The following TAFA2 variants were observed in gnomAD, a reference collection of about 807,000 sequenced individuals.
The protein encoded by TAFA2 is chemokine-like protein TAFA-2.
In TAFA2, 7 loss-of-function variants were observed where a neutral mutation model predicts 18.8. The observed-to-expected ratio is 0.37, with a 90% CI of 0.21 to 0.70. The LOEUF (loss-of-function observed/expected upper bound fraction) is 0.70. TAFA2 is among the 30% of genes least tolerant of loss of function. The pLI, the probability that TAFA2 is intolerant of heterozygous loss-of-function variation, is 0.53. For synonymous variants in TAFA2, 60 were observed against 54.2 expected (o/e 1.11, Z -0.47); for missense variants, 122 against 158.1 (o/e 0.77, Z 1.23).
chr12:61,877,914 T>TACAC (rs1470794277), intron 1 of TAFA2, among the ~76,000 whole-genome samples: 11 of 75,982 alleles, frequency 1.4e-4, no homozygotes, highest in East Asian at 1.2e-3. Flanking sequence ...TATATATATA[T>TACAC]ATATATATAT....
At chr12:61,991,767 G>T (rs540786253) in intron 1 of TAFA2, among the ~76,000 whole-genome samples, 2 of 152,098 alleles carry the variant, frequency 1.3e-5, no homozygotes, top group South Asian at 4.2e-4. Context: ...CTCTAATTGG[G>T]TTTCACTCCC....
intron 1 of TAFA2, among the ~76,000 whole-genome samples, chr12:62,249,035 C>T (rs963197263): frequency 6.6e-6 from 1 of 152,128 alleles, no homozygotes; most frequent in Non-Finnish European, 1.5e-5. Flanking sequence ...GCATCCCCCA[C>T]ACCCATGCCC....
At chr12:61,766,666 G>A (rs931169570) in intron 2 of TAFA2, among the ~76,000 whole-genome samples, 1 of 152,052 alleles carries the variant, frequency 6.6e-6, no homozygotes, top group African/African-American at 2.4e-5. Flanking sequence ...TATCCAGCTT[G>A]AGACACAGTT....
chr12:61,821,626 A>G (rs745405057), intron 2 of TAFA2, among the ~76,000 whole-genome samples: 1 of 152,092 alleles, frequency 6.6e-6, no homozygotes, highest in Non-Finnish European at 1.5e-5. Flanking sequence ...ACTCATATTA[A>G]CATGAATTTG....
At chr12:62,008,210 A>C (rs1880620441) in intron 1 of TAFA2, among the ~76,000 whole-genome samples, 1 of 151,992 alleles carries the variant, frequency 6.6e-6, no homozygotes, top group South Asian at 2.1e-4. Context: ...TGTTTAAATA[A>C]TTCATTGCAC....
chr12:62,233,175 C>A (rs1298724183), intron 1 of TAFA2, among the ~76,000 whole-genome samples: 1 of 147,604 alleles, frequency 6.8e-6, no homozygotes, highest in African/African-American at 2.5e-5. Context: ...CCGCCTCCCA[C>A]GTTCAAGTGA....
At chr12:62,048,282 G>A (rs9669061) in intron 1 of TAFA2, among the ~76,000 whole-genome samples, 22,352 of 152,164 alleles carry the variant, frequency 0.15, 1,770 homozygotes, top group Middle Eastern at 0.3. Flanking sequence ...GCACCTTCTT[G>A]CCAAGGAAGC....
At chr12:61,974,068 T>C (rs1314472198) in intron 1 of TAFA2, among the ~76,000 whole-genome samples, 1 of 151,786 alleles carries the variant, frequency 6.6e-6, no homozygotes, top group Non-Finnish European at 1.5e-5. Flanking sequence ...CCAGCTATTG[T>C]GTTAACTACA....
intron 1 of TAFA2, among the ~76,000 whole-genome samples, chr12:61,888,743 A>G (rs528059436): frequency 1.3e-5 from 2 of 152,334 alleles, no homozygotes; most frequent in South Asian, 4.1e-4. Context: ...ACAAAGGAGG[A>G]TCAAAACAAT....
chr12:61,996,084 A>G (rs761020241), intron 1 of TAFA2, among the ~76,000 whole-genome samples: 9 of 151,878 alleles, frequency 5.9e-5, no homozygotes, highest in Non-Finnish European at 1.2e-4. Flanking sequence ...ATTTGTTTTT[A>G]TAGTCCTTAA....
rs1878540361 is a variant in TAFA2 at position 61,953,506 on chromosome 12, C to T, written c.-1-86080G>A. The stretch of plus-strand genomic sequence containing the variant: ...CTTTTCTTTGAGACATAATTACTGT[C>T]AATCACTCACTGGGAAGTTCACATT... On this transcript the variant is annotated intron_variant, in intron 1 of 4. Coordinates refer to ENST00000416284, the MANE Select transcript of TAFA2 (RefSeq NM_178539.5). 2.6e-5 allele frequency among the ~76,000 whole-genome samples: 4 copies of T among 152,120 alleles called. No individual in the cohort carries two copies. In the South Asian group the frequency reaches 8.3e-4, roughly 32 times the overall value.
chr12:62,039,988 T>C (rs74096177), intron 1 of TAFA2, among the ~76,000 whole-genome samples: 1,775 of 152,240 alleles, frequency 0.012, 36 homozygotes, highest in African/African-American at 0.04. Context: ...TTCTGATTCC[T>C]TTTACTCAGG....
chr12:62,119,287 GA>G (rs1211002070), intron 1 of TAFA2, among the ~76,000 whole-genome samples: 9 of 151,744 alleles, frequency 5.9e-5, no homozygotes, highest in East Asian at 1.9e-4. Flanking sequence ...TTTCTTAAAT[GA>G]AAAAAAATTT....
intron 1 of TAFA2, among the ~76,000 whole-genome samples, chr12:62,239,296 T>C (rs1043954245): frequency 4.6e-5 from 7 of 152,230 alleles, no homozygotes; most frequent in African/African-American, 1.7e-4. Context: ...TCATTCTTGG[T>C]TCACATCTTT....
chr12:61,838,010 C>G (rs994887287), intron 2 of TAFA2, among the ~76,000 whole-genome samples: 2 of 151,960 alleles, frequency 1.3e-5, no homozygotes, highest in African/African-American at 4.8e-5. Flanking sequence ...AGCTCCCAGA[C>G]AGAGTTGATT....
chr12:62,003,132 C>T (rs1880433556), intron 1 of TAFA2, among the ~76,000 whole-genome samples: 1 of 152,154 alleles, frequency 6.6e-6, no homozygotes, highest in Admixed American at 6.5e-5. Context: ...ACAGGTTCCC[C>T]AGCTTCTATC....
At chr12:62,159,452 C>T (rs1279031532) in intron 1 of TAFA2, among the ~76,000 whole-genome samples, 1 of 152,100 alleles carries the variant, frequency 6.6e-6, no homozygotes, top group African/African-American at 2.4e-5. Flanking sequence ...GGAATTACAA[C>T]TCAGGAAGAA....
At position 61,816,518 on chromosome 12, in the gene TAFA2, A is replaced by C. The variant is rs529310352; in HGVS notation, c.106+50802T>G. 9.0e-4 allele frequency among the ~76,000 whole-genome samples: 137 copies of C among 151,398 alleles called. 11 individuals are homozygous for C. Among genetic ancestry groups the C allele is most frequent in the African/African-American group, 3.2e-3 (129 of 40,746 alleles). On this transcript the variant is annotated intron_variant, in intron 2 of 4. Coordinates refer to ENST00000416284, the MANE Select transcript of TAFA2 (RefSeq NM_178539.5). ...GTGTCTTTATTGTAGAATAATTTATATTCCCCTGAGTATATACCCAGTAAT... is the reference window on the plus strand; with the variant it reads ...GTGTCTTTATTGTAGAATAATTTATCTTCCCCTGAGTATATACCCAGTAAT...
At chr12:62,086,179 CAAAACAAAACA>C (rs1215925268) in intron 1 of TAFA2, among the ~76,000 whole-genome samples, 1 of 146,316 alleles carries the variant, frequency 6.8e-6, no homozygotes, top group East Asian at 2.1e-4. Context: ...AAAAACAAAA[CAAAACAAAACA>C]AAAACAAAAA....
Sources: allele counts gnomAD v4.1 joint callset (sites outside exome capture counted in the v4.1 genomes callset), GRCh38; gene constraint gnomAD v4.1.1; transcripts MANE v1.5; gene names NCBI Gene and HGNC (gene_info 2026-07-23, HGNC 2026-07-21).